The following ACER1 variants were observed in gnomAD, a reference collection of about 807,000 sequenced individuals.
The protein encoded by ACER1 is alkaline ceramidase 1.
ACER1 carries 28 observed loss-of-function variants against 24.9 expected under a neutral mutation model. That is an observed-to-expected ratio of 1.13 (90% CI 0.83 to 1.54). The LOEUF is 1.54. Ranked by LOEUF, ACER1 falls within the 40% of genes most tolerant of loss-of-function variation. ACER1 has a pLI of 0.00. For synonymous variants in ACER1, 132 were observed against 131.4 expected (o/e 1.00, Z -0.03); for missense variants, 352 against 349.3 (o/e 1.01, Z -0.06).
chr19:6,336,257 C>A (rs143481455), upstream of ACER1, among the ~76,000 whole-genome samples: 1 of 151,596 alleles, frequency 6.6e-6, no homozygotes, highest in African/African-American at 2.4e-5. Flanking sequence ...AGTGCAGTGG[C>A]GCAATCATAG....
In ACER1 at chr19:6,326,348, G is replaced by A. The variant is rs190415262; in HGVS notation, c.93+7111C>T. 3.9e-5 allele frequency among the ~76,000 whole-genome samples: 6 copies of A among 151,980 alleles called. No homozygotes were observed. In the East Asian group the frequency reaches 5.8e-4, roughly 15 times the overall value. On this transcript the variant is annotated intron_variant, in intron 1 of 5. Transcript: ENST00000301452. ...TCACCGTGTTAGCCAGGATGGTCTCGATCTCCTGACCTTGTGATCCGCCGG... is the reference window on the plus strand; with the variant it reads ...TCACCGTGTTAGCCAGGATGGTCTCAATCTCCTGACCTTGTGATCCGCCGG...
chr19:6,347,113 T>A, the ACER1 span, among the ~76,000 whole-genome samples: 2,214 of 111,624 alleles, frequency 0.02, 115 homozygotes, highest in African/African-American at 0.099. Context: ...AAAAAAAATA[T>A]ATATATATAT....
chr19:6,355,855 C>T, the ACER1 span, among the ~76,000 whole-genome samples: 2 of 148,434 alleles, frequency 1.3e-5, no homozygotes, highest in Non-Finnish European at 3.0e-5. Flanking sequence ...GTGGGGGGGT[C>T]AGCCCCCCGC....
In ACER1 at chr19:6,323,597, G is replaced by A. The variant is rs1266750421; in HGVS notation, c.93+9862C>T. On this transcript the variant is annotated intron_variant, in intron 1 of 5. Coordinates refer to ENST00000301452, the MANE Select transcript of ACER1 (RefSeq NM_133492.3). ...ATTAAACTTCTTTCTTTTGTAAATT[G>A]CCTAGTCTCTTTTTCTTCTTTTGCA... is the stretch of plus-strand genomic sequence containing the variant. Among the ~76,000 whole-genome samples, 6 of 152,202 alleles carry A rather than the reference G, an allele frequency of 3.9e-5. No individual in the cohort carries two copies. In the East Asian group the frequency reaches 1.2e-3, roughly 29 times the overall value.
At chr19:6,320,525 C>T (rs943729830) in intron 1 of ACER1, among the ~76,000 whole-genome samples, 1 of 152,044 alleles carries the variant, frequency 6.6e-6, no homozygotes, top group Non-Finnish European at 1.5e-5. Flanking sequence ...ATTGGCCATG[C>T]TGGTCTGAAA....
In ACER1 at chr19:6,307,024, C is replaced by T. The variant is rs147871659; in HGVS notation, c.626+129G>A. ...CCCCGTGACTGCAGCCTTCCCCTAC[C>T]GCCAGGTCCCAGTGTCTGGCTCTCC... On this transcript the variant is annotated intron_variant, in intron 5 of 5. Transcript: ENST00000301452. 2,747 of 1,496,558 alleles carry T rather than the reference C, an allele frequency of 1.8e-3. 6 individuals are homozygous for T. The highest frequency in any genetic ancestry group is 2.5e-3 in the South Asian group (195 of 77,750). 92.7% of individuals were successfully genotyped at this position (1,496,558 alleles called of 1,614,324 possible).
chr19:6,344,350 G>A, the ACER1 span, among the ~76,000 whole-genome samples: 5 of 151,870 alleles, frequency 3.3e-5, no homozygotes, highest in African/African-American at 9.7e-5. Flanking sequence ...GCTGAGGCAT[G>A]AGAAGCGCTT....
chr19:6,354,774 CAGG>C, the ACER1 span, among the ~76,000 whole-genome samples: 1 of 151,484 alleles, frequency 6.6e-6, no homozygotes, highest in African/African-American at 2.4e-5. Context: ...ACTTTAAAAA[CAGG>C]AGAAGTGTCA....
chr19:6,311,049 G>A (rs28423680), intron 3 of ACER1, among the ~76,000 whole-genome samples: 2,522 of 151,808 alleles, frequency 0.017, 69 homozygotes, highest in African/African-American at 0.057. Flanking sequence ...CTGGGAGAGC[G>A]TGATGGTTTC....
chr19:6,306,755 G>T lies in ACER1; in HGVS notation c.754C>A (p.Leu252Met). ...YWPRDSWPVGLPYVEIRGDDK... is the reference protein window; with the variant it reads ...YWPRDSWPVGMPYVEIRGDDK... ...TCACCCCGGATTTCCACGTAGGGCAGCCCCACGGGCCAACTGTCCCGAGGC... is the reference window on the plus strand; with the variant it reads ...TCACCCCGGATTTCCACGTAGGGCATCCCCACGGGCCAACTGTCCCGAGGC... The change falls in exon 6 of 6, where the codon CTG (leucine) becomes ATG (methionine). Residue 252 changes from leucine to methionine, a missense_variant. Leu to Met is a conservative substitution (Grantham distance 15, BLOSUM62 2). Coordinates refer to ENST00000301452, the MANE Select transcript of ACER1 (RefSeq NM_133492.3). 4 of 1,613,816 alleles carry T rather than the reference G, an allele frequency of 2.5e-6. No homozygotes were observed. Among genetic ancestry groups the T allele is most frequent in the Non-Finnish European group, 3.4e-6 (4 of 1,179,798 alleles).
intron 1 of ACER1, among the ~76,000 whole-genome samples, chr19:6,326,730 C>T (rs534903245): frequency 4.6e-5 from 7 of 152,144 alleles, no homozygotes; most frequent in African/African-American, 1.7e-4. Flanking sequence ...CTGGGGACAC[C>T]GAGCCTCCTC....
At chr19:6,316,314 C>A (rs2091602864) in intron 1 of ACER1, among the ~76,000 whole-genome samples, 1 of 152,066 alleles carries the variant, frequency 6.6e-6, no homozygotes, top group African/African-American at 2.4e-5. Flanking sequence ...TGGCATGTGC[C>A]TGTAGTCTTA....
intron 3 of ACER1, among the ~76,000 whole-genome samples, chr19:6,310,265 T>G (rs2091572159): frequency 6.6e-6 from 1 of 151,214 alleles, no homozygotes; most frequent in African/African-American, 2.4e-5. Context: ...TTTTTTATAT[T>G]TTTACTAGAG....
the ACER1 span, among the ~76,000 whole-genome samples, chr19:6,340,861 G>A: frequency 6.6e-6 from 1 of 152,060 alleles, no homozygotes; most frequent in Non-Finnish European, 1.5e-5. Context: ...AGCTCTCAGC[G>A]GTTATTGTAA....
chr19:6,317,959 T>G (rs924478460), intron 1 of ACER1, among the ~76,000 whole-genome samples: 2 of 152,004 alleles, frequency 1.3e-5, no homozygotes, highest in Non-Finnish European at 2.9e-5. Context: ...TTCATCATAT[T>G]GCCCAGGCTG....
At chr19:6,313,580 C>G (rs2091591233) in intron 1 of ACER1, among the ~76,000 whole-genome samples, 1 of 152,214 alleles carries the variant, frequency 6.6e-6, no homozygotes, top group Admixed American at 6.5e-5. Flanking sequence ...CTACTACTTC[C>G]AGGTCAGTCC....
At chr19:6,355,680 G>C in the ACER1 span, among the ~76,000 whole-genome samples, 3 of 137,458 alleles carry the variant, frequency 2.2e-5, no homozygotes, top group Non-Finnish European at 4.7e-5. Flanking sequence ...GGGCGCCTCT[G>C]CCCGGCCACC....
upstream of ACER1, among the ~76,000 whole-genome samples, chr19:6,333,923 A>G (rs1002618740): frequency 2.6e-5 from 4 of 152,154 alleles, no homozygotes; most frequent in African/African-American, 9.6e-5. Flanking sequence ...TCTGTTGCTC[A>G]GGCTGGGGTA....
At chr19:6,354,214 GTAAA>G in the ACER1 span, among the ~76,000 whole-genome samples, 12 of 151,244 alleles carry the variant, frequency 7.9e-5, no homozygotes, top group South Asian at 2.1e-4. Flanking sequence ...AAATAAATAA[GTAAA>G]TAAATAAATA....
Sources: allele counts gnomAD v4.1 joint callset (sites outside exome capture counted in the v4.1 genomes callset), GRCh38; gene constraint gnomAD v4.1.1; transcripts MANE v1.5; gene names NCBI Gene and HGNC (gene_info 2026-07-23, HGNC 2026-07-21).